The following MFAP1 variants were observed in gnomAD, a reference collection of about 807,000 sequenced individuals.
MFAP1 encodes the protein microfibrillar-associated protein 1.
In MFAP1, 18 loss-of-function variants were observed where a neutral mutation model predicts 62.2. That is an observed-to-expected ratio of 0.29 (90% confidence interval 0.20 to 0.43). The LOEUF (loss-of-function observed/expected upper bound fraction) is 0.43, where lower values mean the gene tolerates loss of function less well. Among genes scored for constraint, MFAP1 ranks in the 20% least tolerant of loss-of-function variants. MFAP1 has a pLI of 1.00. For synonymous variants in MFAP1, 175 were observed against 180.4 expected (o/e 0.97, Z 0.24); for missense variants, 355 against 559.7 (o/e 0.63, Z 3.69).
chr15:43,818,284 G>T (rs2087446798), intron 1 of MFAP1, among the ~76,000 whole-genome samples: 1 of 152,158 alleles, frequency 6.6e-6, no homozygotes, highest in South Asian at 2.1e-4. Context: ...CTCCCAAAGT[G>T]CTGGGATTAC....
intron 1 of MFAP1, among the ~76,000 whole-genome samples, chr15:43,819,098 CAGG>C (rs1311850058): frequency 2.0e-5 from 3 of 152,128 alleles, no homozygotes; most frequent in Non-Finnish European, 4.4e-5. Context: ...GTGGCTGAGG[CAGG>C]AGAATAACTT....
In MFAP1 at chr15:43,818,525, A is replaced by AC. The variant is rs199986627; in HGVS notation, c.80-1078_80-1077insG. 9.3e-3 allele frequency among the ~76,000 whole-genome samples: 1,402 copies of AC among 150,694 alleles called. 17 individuals are homozygous for AC. Among genetic ancestry groups the AC allele is most frequent in the African/African-American group, 0.032 (1,312 of 40,782 alleles). On this transcript the variant is annotated intron_variant, in intron 1 of 8. Transcript: ENST00000267812. ...CTACCAAAAAAAAAAAAAGAAACAAAAAAAAAAAACCCCTAGACCAACACA... is the reference window on the plus strand; with the variant it reads ...CTACCAAAAAAAAAAAAAGAAACAAACAAAAAAAAACCCCTAGACCAACACA...
chr15:43,810,958 T>C (rs1412433323), intron 6 of MFAP1, among the ~76,000 whole-genome samples: 1 of 151,200 alleles, frequency 6.6e-6, no homozygotes, highest in East Asian at 2.0e-4. Context: ...GGTTTCACCA[T>C]GTTGGACAGG....
chr15:43,816,527 G>A (rs1296373607), intron 2 of MFAP1, among the ~76,000 whole-genome samples: 3 of 152,292 alleles, frequency 2.0e-5, no homozygotes, highest in African/African-American at 2.4e-5. Flanking sequence ...TTACAGGCGT[G>A]AGCCACCGCA....
chr15:43,822,877 C>G (rs2087475119), intron 1 of MFAP1, among the ~76,000 whole-genome samples: 1 of 151,410 alleles, frequency 6.6e-6, no homozygotes, highest in South Asian at 2.1e-4. Flanking sequence ...TTGCTCTTGT[C>G]CCCCAGGCTG....
rs563688899 is a variant in MFAP1 at position 43,819,919 on chromosome 15, G to A, written c.80-2471C>T. Among the ~76,000 whole-genome samples the A allele has an allele frequency of 9.8e-5, 15 of 152,290 alleles. No individual in the cohort carries two copies. The East Asian group carries it at 1.4e-3, about 14-fold the overall frequency. ...TCCCAGCACTCTGGGAGGCCAAGGC[G>A]GACGGATCACAACGTCAGGAAATTG... On this transcript the variant is annotated intron_variant, in intron 1 of 8. Transcript: ENST00000267812.
chr15:43,805,077 G>A lies in MFAP1; in HGVS notation c.*17C>T, dbSNP rs1200973896. 6.4e-7 allele frequency: 1 copy of A among 1,556,232 alleles called. No homozygotes were observed. The highest frequency in any genetic ancestry group is 8.7e-7 in the Non-Finnish European group (1 of 1,143,786). On this transcript the variant is annotated 3_prime_UTR_variant, in exon 9 of 9. Transcript: ENST00000267812. ...CTCCCCTTGTGTTCCACAGTTGGAA[G>A]AATAAGCAGTTGGACCCTAGGTAGT...
At chr15:43,824,244 T>TTA (rs2087484924) in intron 1 of MFAP1, among the ~76,000 whole-genome samples, 1 of 149,350 alleles carries the variant, frequency 6.7e-6, no homozygotes, top group Non-Finnish European at 1.5e-5. Flanking sequence ...GTAATATATA[T>TTA]TATATATATG....
chr15:43,813,934 C>T (rs185517555), intron 4 of MFAP1, among the ~76,000 whole-genome samples: 3 of 152,238 alleles, frequency 2.0e-5, no homozygotes, highest in African/African-American at 4.8e-5. Flanking sequence ...GGAATTTGCT[C>T]GTTGAGTTTA....
chr15:43,807,621 T>A (rs1048526846), intron 7 of MFAP1, among the ~76,000 whole-genome samples: 1 of 151,808 alleles, frequency 6.6e-6, no homozygotes, highest in African/African-American at 2.4e-5. Flanking sequence ...GTGCTGGGAT[T>A]ACAGGCGTGA....
chr15:43,816,999 G>A (rs981638738), intron 2 of MFAP1, among the ~76,000 whole-genome samples: 1 of 152,204 alleles, frequency 6.6e-6, no homozygotes, highest in Non-Finnish European at 1.5e-5. Flanking sequence ...GCTGTTTCCT[G>A]AAGCTGCCAC....
chr15:43,810,367 T>G (rs1412380976), intron 6 of MFAP1, among the ~76,000 whole-genome samples: 1 of 151,854 alleles, frequency 6.6e-6, no homozygotes, highest in Non-Finnish European at 1.5e-5. Context: ...AACTTTTTTT[T>G]TTTTTTTTCT....
intron 1 of MFAP1, among the ~76,000 whole-genome samples, 200 bp downstream of exon 1, chr15:43,824,289 GAA>G (rs1447224411): frequency 3.3e-5 from 5 of 152,148 alleles, no homozygotes; most frequent in African/African-American, 1.2e-4. Flanking sequence ...GAGGCTAACA[GAA>G]GAGAGGTGCT....
chr15:43,820,273 C>T (rs1360327430), intron 1 of MFAP1, among the ~76,000 whole-genome samples: 4 of 152,110 alleles, frequency 2.6e-5, no homozygotes, highest in East Asian at 3.9e-4. Flanking sequence ...GCCGAGATCG[C>T]GCCACTGCAC....
chr15:43,813,254 G>T lies in MFAP1; in HGVS notation c.721C>A (p.Leu241Ile). The change falls in exon 5 of 9, where the codon CTC becomes ATC. Residue 241 changes from leucine to isoleucine, a missense_variant. Around this residue, in one of 6 missense-constraint regions of MFAP1, gnomAD observed 257 missense variants for 341.3 expected, o/e 0.75. Transcript: ENST00000267812. ...RMAEERRKYTLKIVEEETKKE... is the reference protein window; with the variant it reads ...RMAEERRKYTIKIVEEETKKE... ...TTGCAACCACTCCCCAGTACCTTGA[G>T]TGTGTACTTGCGCCTTTCCTCAGCC... 3.7e-6 allele frequency: 6 copies of T among 1,613,986 alleles called. No homozygotes were observed. The highest frequency in any genetic ancestry group is 4.2e-6 in the Non-Finnish European group (5 of 1,179,996).
chr15:43,805,332 C>T (rs748880104), intron 8 of MFAP1, 44 bp downstream of exon 8: 1 of 1,603,370 alleles, frequency 6.2e-7, no homozygotes, highest in South Asian at 1.1e-5. Flanking sequence ...CCTCAGCTAT[C>T]AATACATCAC....
intron 6 of MFAP1, among the ~76,000 whole-genome samples, chr15:43,811,277 T>G (rs112806515): frequency 0.15 from 22,214 of 149,830 alleles, 2,054 homozygotes; most frequent in East Asian, 0.26. Flanking sequence ...TAGCTGGGCG[T>G]GGTGGCATAT....
intron 7 of MFAP1, among the ~76,000 whole-genome samples, chr15:43,806,461 G>T (rs1457447619): frequency 6.6e-6 from 1 of 152,132 alleles, no homozygotes; most frequent in Non-Finnish European, 1.5e-5. Context: ...CTTACCACCT[G>T]GGTTATTAGT....
Position 43,821,566 on chromosome 15 carries a change from T to C in MFAP1, c.79+2925A>G, listed in dbSNP as rs569063943. ...CTTATATGAGAACTCGAGTATATTA[T>C]AGGGATGGCATTAAAAATCAGTAGA... is the stretch of plus-strand genomic sequence containing the variant. On this transcript the variant is annotated intron_variant, in intron 1 of 8. Transcript: ENST00000267812. Among the ~76,000 whole-genome samples the C allele has an allele frequency of 5.9e-5, 9 of 152,264 alleles. 1 individual carries two copies. In the South Asian group the frequency reaches 1.9e-3, roughly 32 times the overall value.
Sources: allele counts gnomAD v4.1 joint callset (sites outside exome capture counted in the v4.1 genomes callset), GRCh38; gene constraint gnomAD v4.1.1; regional missense constraint gnomAD v4.1.1; transcripts MANE v1.5; gene names NCBI Gene and HGNC (gene_info 2026-07-23, HGNC 2026-07-21).